FHIT: variants seen among roughly 807,000 people sequenced by gnomAD.
The protein encoded by FHIT is bis(5'-adenosyl)-triphosphatase.
In FHIT, 19 loss-of-function variants were observed where a neutral mutation model predicts 17.9. The observed-to-expected ratio is 1.06, with a 90% CI of 0.74 to 1.56. FHIT has a LOEUF of 1.56. Among genes scored for constraint, FHIT ranks in the 40% most tolerant of loss-of-function variants. The pLI is 0.00. For synonymous variants in FHIT, 81 were observed against 69.7 expected (o/e 1.16, Z -0.81); for missense variants, 248 against 189.2 (o/e 1.31, Z -1.82).
In FHIT at chr3:60,171,616, T is replaced by C. The variant is rs568883254; in HGVS notation, c.104-157464A>G. 8.5e-5 allele frequency among the ~76,000 whole-genome samples: 13 copies of C among 152,342 alleles called. No individual in the cohort carries two copies. In the South Asian group the frequency reaches 1.9e-3, roughly 22 times the overall value. On this transcript the variant is annotated intron_variant, in intron 5 of 9. Coordinates refer to ENST00000492590, the MANE Select transcript of FHIT (RefSeq NM_002012.4). ...GATGTAGTATTTGGTGGCTTTTAAA[T>C]TCACAGCCTTCTATTCTTGGAATTT... is the stretch of plus-strand genomic sequence containing the variant.
intron 4 of FHIT, among the ~76,000 whole-genome samples, chr3:60,678,611 C>T (rs1000069921): frequency 6.6e-6 from 1 of 152,116 alleles, no homozygotes; most frequent in Admixed American, 6.5e-5. Flanking sequence ...CTTATCCTGA[C>T]CTTCTCAATG....
intron 5 of FHIT, among the ~76,000 whole-genome samples, chr3:60,395,237 A>G (rs995829931): frequency 8.5e-5 from 13 of 152,302 alleles, no homozygotes; most frequent in African/African-American, 2.9e-4. Context: ...AAGCCATATC[A>G]TCATGATCAT....
chr3:60,748,917 A>G (rs1248052934), intron 4 of FHIT, among the ~76,000 whole-genome samples: 2 of 152,242 alleles, frequency 1.3e-5, no homozygotes, highest in Non-Finnish European at 2.9e-5. Flanking sequence ...TGACAAGAGA[A>G]AAAAGTCTAT....
chr3:60,723,709 T>C (rs1553708666), intron 4 of FHIT, among the ~76,000 whole-genome samples: 1 of 152,216 alleles, frequency 6.6e-6, no homozygotes, highest in African/African-American at 2.4e-5. Context: ...TCTTTCACTG[T>C]AGCAAATCAG....
intron 2 of FHIT, among the ~76,000 whole-genome samples, chr3:61,197,244 A>G (rs2038878062): frequency 6.6e-6 from 1 of 152,240 alleles, no homozygotes; most frequent in South Asian, 2.1e-4. Flanking sequence ...GTGATCCTCA[A>G]AACAGCCCTG....
chr3:60,076,166 C>A (rs80229008), intron 5 of FHIT, among the ~76,000 whole-genome samples: 1 of 152,000 alleles, frequency 6.6e-6, no homozygotes, highest in Non-Finnish European at 1.5e-5. Flanking sequence ...GAAATGAAGA[C>A]CTTTTACAGG....
chr3:60,160,602 G>T (rs6779107), intron 5 of FHIT, among the ~76,000 whole-genome samples: 28,159 of 152,066 alleles, frequency 0.19, 3,296 homozygotes, highest in East Asian at 0.31. Flanking sequence ...AGTAGAGAAA[G>T]AAAATGGCTT....
chr3:60,192,077 C>T (rs1702423471), intron 5 of FHIT, among the ~76,000 whole-genome samples: 3 of 151,874 alleles, frequency 2.0e-5, no homozygotes, highest in South Asian at 4.2e-4. Context: ...ATGGCGAAAC[C>T]CTGTCTCTAC....
chr3:60,442,887 G>A (rs1399964394), intron 5 of FHIT, among the ~76,000 whole-genome samples: 5 of 152,092 alleles, frequency 3.3e-5, no homozygotes, highest in African/African-American at 1.2e-4. Flanking sequence ...TCATGATATT[G>A]ATTCTTCCTA....
Position 60,699,305 on chromosome 3 carries a change from G to A in FHIT, c.-18+122614C>T, listed in dbSNP as rs148873472. 4.2e-4 allele frequency among the ~76,000 whole-genome samples: 64 copies of A among 152,184 alleles called. 1 individual carries two copies. Among genetic ancestry groups the A allele is most frequent in the African/African-American group, 1.5e-3 (61 of 41,534 alleles). On this transcript the variant is annotated intron_variant, in intron 4 of 9. Transcript: ENST00000492590. ...ACCAGAAAGTATAAACATTATTAGAGCCTTTTGGTTAATATTGTCAATCTG... is the reference window on the plus strand; with the variant it reads ...ACCAGAAAGTATAAACATTATTAGAACCTTTTGGTTAATATTGTCAATCTG...
chr3:59,885,441 C>CTTT (rs60795525), intron 8 of FHIT, among the ~76,000 whole-genome samples: 125 of 136,018 alleles, frequency 9.2e-4, no homozygotes, highest in African/African-American at 3.2e-3. Flanking sequence ...CTACCTGATG[C>CTTT]TTTTTTTTTT....
At chr3:61,002,047 T>C (rs1217500363) in intron 3 of FHIT, among the ~76,000 whole-genome samples, 1 of 152,154 alleles carries the variant, frequency 6.6e-6, no homozygotes, top group East Asian at 1.9e-4. Context: ...ATTTAGGGGG[T>C]GCAATGTGAT....
chr3:59,796,987 T>G (rs541091714), intron 8 of FHIT, among the ~76,000 whole-genome samples: 73 of 152,280 alleles, frequency 4.8e-4, no homozygotes, highest in African/African-American at 1.7e-3. Context: ...CTCTAAAAAT[T>G]TATTCCCCTG....
intron 5 of FHIT, among the ~76,000 whole-genome samples, chr3:60,431,591 T>C (rs9827995): frequency 0.05 from 7,684 of 152,192 alleles, 655 homozygotes; most frequent in African/African-American, 0.17. Flanking sequence ...CATTTAGTAT[T>C]TTACTGGTGA....
chr3:60,656,850 A>T (rs1553689710), intron 4 of FHIT, among the ~76,000 whole-genome samples: 1 of 152,230 alleles, frequency 6.6e-6, no homozygotes, highest in African/African-American at 2.4e-5. Context: ...CACATTGACA[A>T]AAATAATCCA....
intron 5 of FHIT, among the ~76,000 whole-genome samples, chr3:60,486,188 CTT>C (rs1354733243): frequency 2.0e-5 from 3 of 151,950 alleles, no homozygotes; most frequent in Admixed American, 6.6e-5. Context: ...TTACACAACA[CTT>C]AAAATGAGAG....
At chr3:60,646,575 A>C (rs2039862885) in intron 4 of FHIT, among the ~76,000 whole-genome samples, 2 of 152,326 alleles carry the variant, frequency 1.3e-5, no homozygotes, top group South Asian at 4.1e-4. Flanking sequence ...AGCCAAAAAG[A>C]ATATTTTAAA....
In FHIT at chr3:60,024,228, G is replaced by T. The variant is rs538949919; in HGVS notation, c.104-10076C>A. 2.6e-5 allele frequency among the ~76,000 whole-genome samples: 4 copies of T among 152,236 alleles called. No individual in the cohort carries two copies. The East Asian group carries it at 5.8e-4, about 22-fold the overall frequency. On this transcript the variant is annotated intron_variant, in intron 5 of 9. Transcript: ENST00000492590. ...TCTATGACAGATACTAATGTTAATA[G>T]AAACATCCTTTATTTCAAATAAATG... is the stretch of plus-strand genomic sequence containing the variant.
intron 5 of FHIT, 75 bp downstream of exon 5, chr3:60,536,785 G>A: frequency 6.8e-7 from 1 of 1,469,592 alleles, no homozygotes; most frequent in Non-Finnish European, 9.1e-7. Flanking sequence ...GGCCAATCTT[G>A]TATTTATATT....
Sources: allele counts gnomAD v4.1 joint callset (sites outside exome capture counted in the v4.1 genomes callset), GRCh38; gene constraint gnomAD v4.1.1; transcripts MANE v1.5; gene names NCBI Gene and HGNC (gene_info 2026-07-23, HGNC 2026-07-21).